Variants in CSMD1 observed in about 807,000 individuals in gnomAD.
The protein encoded by CSMD1 is CUB and sushi domain-containing protein 1.
In CSMD1, 213 loss-of-function variants were observed where a neutral mutation model predicts 417.5. That is an observed-to-expected ratio of 0.51 (90% CI 0.46 to 0.57). The LOEUF is 0.57. Among genes scored for constraint, CSMD1 ranks in the 20% least tolerant of loss-of-function variants. The probability of loss-of-function intolerance (pLI) is 0.00; values close to 1 mark genes in which losing one functional copy is unlikely to be tolerated. For synonymous variants in CSMD1, 2,862 were observed against 1,736.8 expected (o/e 1.65, Z -16.11); for missense variants, 6,923 against 4,529.7 (o/e 1.53, Z -15.17).
At chr8:3,889,608 T>A (rs1806816603) in intron 5 of CSMD1, among the ~76,000 whole-genome samples, 1 of 150,328 alleles carries the variant, frequency 6.7e-6, no homozygotes, top group African/African-American at 2.4e-5. Context: ...AGGTCATAAG[T>A]TCACTCAGCT....
intron 26 of CSMD1, among the ~76,000 whole-genome samples, chr8:3,270,057 T>C (rs1445252039): frequency 6.8e-6 from 1 of 147,312 alleles, no homozygotes; most frequent in Admixed American, 6.8e-5. Context: ...TTTTTTTTTT[T>C]TTTTTTTTTT....
intron 3 of CSMD1, among the ~76,000 whole-genome samples, chr8:4,285,647 G>C (rs1273116123): frequency 1.3e-5 from 2 of 152,192 alleles, no homozygotes; most frequent in African/African-American, 2.4e-5. Flanking sequence ...CAGATGGTTG[G>C]TCTTTGCTTT....
intron 10 of CSMD1, among the ~76,000 whole-genome samples, chr8:3,564,529 G>GTGTGTGTGTC (rs1799614046): frequency 6.6e-6 from 1 of 151,250 alleles, no homozygotes; most frequent in South Asian, 2.1e-4. Context: ...GTGTGTGTGT[G>GTGTGTGTGTC]TGTGTGTGTG....
chr8:3,392,172 G>T (rs547647500), intron 17 of CSMD1, among the ~76,000 whole-genome samples: 8 of 150,330 alleles, frequency 5.3e-5, no homozygotes, highest in African/African-American at 2.0e-4. Context: ...TGAGTTAATG[G>T]GTGCACCACA....
intron 49 of CSMD1, among the ~76,000 whole-genome samples, chr8:3,080,824 C>A (rs1814036600): frequency 6.6e-6 from 1 of 152,132 alleles, no homozygotes; most frequent in African/African-American, 2.4e-5. Flanking sequence ...GATCAGGGCT[C>A]CCTGGCCTTT....
At chr8:3,104,285 T>C (rs1815969109) in intron 46 of CSMD1, among the ~76,000 whole-genome samples, 1 of 152,194 alleles carries the variant, frequency 6.6e-6, no homozygotes, top group Admixed American at 6.5e-5. Flanking sequence ...TAGACCATTG[T>C]TGCTCCTGGA....
intron 10 of CSMD1, among the ~76,000 whole-genome samples, chr8:3,534,208 C>G (rs997234457): frequency 6.6e-6 from 1 of 152,140 alleles, no homozygotes; most frequent in African/African-American, 2.4e-5. Flanking sequence ...CCTGCAATGC[C>G]ACGCCCTTTG....
chr8:3,981,522 AAAAG>A (rs1203276262), intron 5 of CSMD1, among the ~76,000 whole-genome samples: 2,233 of 130,398 alleles, frequency 0.017, 61 homozygotes, highest in African/African-American at 0.063. Flanking sequence ...AAAAAAAAAA[AAAAG>A]AACATACAAT....
intron 12 of CSMD1, among the ~76,000 whole-genome samples, chr8:3,462,121 G>A (rs1172233318): frequency 1.4e-5 from 1 of 73,204 alleles, no homozygotes; most frequent in Non-Finnish European, 2.6e-5. Flanking sequence ...TCAGAATCCA[G>A]GCCCCCCCCC....
chr8:4,609,685 C>A (rs569255553), intron 2 of CSMD1, among the ~76,000 whole-genome samples: 1 of 151,962 alleles, frequency 6.6e-6, no homozygotes, highest in East Asian at 1.9e-4. Context: ...GCAGATTGTA[C>A]AGGAAACATT....
At chr8:4,844,037 T>A (rs1278370295) in intron 1 of CSMD1, among the ~76,000 whole-genome samples, 1 of 152,196 alleles carries the variant, frequency 6.6e-6, no homozygotes, top group East Asian at 1.9e-4. Flanking sequence ...TAGACTACGG[T>A]CACTGCATGC....
At position 3,118,526 on chromosome 8, in the gene CSMD1, C is replaced by T. The variant is rs548440317; in HGVS notation, c.6303G>A (p.Ser2101=). 130 of 1,613,680 alleles carry T rather than the reference C, an allele frequency of 8.1e-5. No homozygotes were observed. In the South Asian group the frequency reaches 1.0e-3, roughly 13 times the overall value. ...PPFQNGYMIN[S]DYSVGQSVSF... ...ATACTGATTGCCCCACGCTGTAATC[C>T]GAGTTGATCATGTACCCATTCTGAA... Residue 2101 remains serine, a synonymous_variant, in exon 42 of 70, where the codon TCG becomes TCA. Transcript: ENST00000635120.
chr8:2,961,990 T>A (rs1803535290), intron 61 of CSMD1, among the ~76,000 whole-genome samples: 1 of 152,202 alleles, frequency 6.6e-6, no homozygotes, highest in African/African-American at 2.4e-5. Flanking sequence ...TAGAAAATAA[T>A]CAAGACTAAG....
chr8:4,197,932 A>G (rs140097802), intron 3 of CSMD1, among the ~76,000 whole-genome samples: 2 of 152,178 alleles, frequency 1.3e-5, no homozygotes, highest in South Asian at 2.1e-4. Flanking sequence ...TCATTTAGTA[A>G]TTCTGTACAC....
At chr8:3,888,685 G>A (rs957475533) in intron 5 of CSMD1, among the ~76,000 whole-genome samples, 1 of 152,130 alleles carries the variant, frequency 6.6e-6, no homozygotes, top group Admixed American at 6.6e-5. Context: ...AGAGAAAGAG[G>A]CTGCCGGGAC....
chr8:3,792,186 G>T (rs7006333), intron 5 of CSMD1, among the ~76,000 whole-genome samples: 5 of 151,888 alleles, frequency 3.3e-5, no homozygotes, highest in Non-Finnish European at 5.9e-5. Flanking sequence ...CCCAGCTACA[G>T]GGGAGGCTGA....
chr8:3,322,472 T>A (rs1237224589), intron 23 of CSMD1, among the ~76,000 whole-genome samples: 1 of 152,220 alleles, frequency 6.6e-6, no homozygotes, highest in Non-Finnish European at 1.5e-5. Context: ...AGATCTTGTT[T>A]TACGCTAAAT....
At chr8:3,928,630 TA>T (rs1358431403) in intron 5 of CSMD1, among the ~76,000 whole-genome samples, 1 of 150,318 alleles carries the variant, frequency 6.7e-6, no homozygotes, top group African/African-American at 2.5e-5. Context: ...AAGGAAGTAA[TA>T]AGAGTATACA....
At chr8:3,378,207 C>T (rs889823487) in intron 18 of CSMD1, among the ~76,000 whole-genome samples, 12 of 152,210 alleles carry the variant, frequency 7.9e-5, no homozygotes, top group South Asian at 2.1e-4. Flanking sequence ...AGGAAGAAGT[C>T]GAATCCCTGA....
Sources: allele counts gnomAD v4.1 joint callset (sites outside exome capture counted in the v4.1 genomes callset), GRCh38; gene constraint gnomAD v4.1.1; transcripts MANE v1.5; gene names NCBI Gene and HGNC (gene_info 2026-07-23, HGNC 2026-07-21).